MTMR8: variants seen among roughly 807,000 people sequenced by gnomAD.
MTMR8 encodes the protein phosphatidylinositol-3,5-bisphosphate 3-phosphatase MTMR8.
A neutral mutation model predicts 39.3 loss-of-function variants in MTMR8; 65 were observed. The ratio of observed to expected loss-of-function variants is 1.65; its 90% CI spans 1.35 to 2.03. The LOEUF (loss-of-function observed/expected upper bound fraction) is 2.03, where lower values mean the gene tolerates loss of function less well. Ranked by LOEUF, MTMR8 falls within the 30% of genes most tolerant of loss-of-function variation. The pLI is 0.00. For missense variants in MTMR8, 777 were observed against 538.9 expected (o/e 1.44, Z -4.37); for synonymous variants, 245 against 185.2 (o/e 1.32, Z -2.62).
chrX:64,315,366 TCTTCCCTCTGCCTACTCTCAGTGC>T (rs1362742462), intron 12 of MTMR8, among the ~76,000 whole-genome samples: 2 of 111,658 alleles, frequency 1.8e-5, no homozygotes, highest in African/African-American at 6.5e-5. Context: ...AGCTTCTGTG[TCTTCCCTCTGCCTACTCTCAGTGC>T]CTTCCCTCTG....
At chrX:64,390,765 G>A (rs770289268) in intron 1 of MTMR8, among the ~76,000 whole-genome samples, 123 of 109,064 alleles carry the variant, frequency 1.1e-3, no homozygotes, top group African/African-American at 3.8e-3. Context: ...CATCCCCACC[G>A]CCCCCCCAGC....
intron 12 of MTMR8, among the ~76,000 whole-genome samples, chrX:64,282,170 C>T (rs904273415): frequency 9.0e-6 from 1 of 111,355 alleles, no homozygotes; most frequent in Non-Finnish European, 1.9e-5. Flanking sequence ...GGAGATTCCT[C>T]AATGATCTAG....
chrX:64,289,020 AAAAT>A (rs1921304566), intron 12 of MTMR8, among the ~76,000 whole-genome samples: 2 of 109,872 alleles, frequency 1.8e-5, no homozygotes, highest in Admixed American at 2.0e-4. Context: ...AGTATAATAA[AAAAT>A]ATATATATAT....
At chrX:64,382,732 C>T (rs1389454385) in intron 1 of MTMR8, among the ~76,000 whole-genome samples, 2 of 111,496 alleles carry the variant, frequency 1.8e-5, no homozygotes, top group Admixed American at 1.9e-4. Flanking sequence ...ATGATATTGG[C>T]TGTGGGTTTG....
At chrX:64,359,280 G>T in intron 2 of MTMR8, 125 bp downstream of exon 2, 2 of 630,979 alleles carry the variant, frequency 3.2e-6, no homozygotes, top group South Asian at 5.8e-5. Flanking sequence ...ATTAGAATAG[G>T]TCCTCTGAAG....
At chrX:64,296,197 C>T (rs934469093) in intron 12 of MTMR8, among the ~76,000 whole-genome samples, 1 of 111,689 alleles carries the variant, frequency 9.0e-6, no homozygotes, top group Non-Finnish European at 1.9e-5. Context: ...TGACATAAGC[C>T]AGACACAAAC....
chrX:64,370,489 G>A (rs1224327540), intron 1 of MTMR8, among the ~76,000 whole-genome samples: 3 of 111,419 alleles, frequency 2.7e-5, no homozygotes, highest in African/African-American at 9.8e-5. Flanking sequence ...CCCAAAGTCT[G>A]CCAGTGTGAC....
intron 12 of MTMR8, among the ~76,000 whole-genome samples, chrX:64,280,361 G>A (rs1002982590): frequency 8.1e-5 from 9 of 111,606 alleles, no homozygotes; most frequent in Admixed American, 4.8e-4. Flanking sequence ...CAATCAAGTC[G>A]GCTTCATCTC....
chrX:64,382,814 T>C (rs1279229734), intron 1 of MTMR8, among the ~76,000 whole-genome samples: 1 of 111,490 alleles, frequency 9.0e-6, no homozygotes, highest in East Asian at 2.8e-4. Flanking sequence ...GGCCAATGGC[T>C]CTCCCTCTTA....
At chrX:64,344,779 A>T (rs769525786) in intron 7 of MTMR8, among the ~76,000 whole-genome samples, 4 of 111,626 alleles carry the variant, frequency 3.6e-5, no homozygotes, top group Non-Finnish European at 7.5e-5. Context: ...CTGTATTTCC[A>T]CAGAGAGAAA....
At chrX:64,338,757 TC>T in intron 8 of MTMR8, among the ~76,000 whole-genome samples, 1 of 111,613 alleles carries the variant, frequency 9.0e-6, no homozygotes, top group South Asian at 3.8e-4. Context: ...ATCGTGGAAG[TC>T]CATATAGGCC....
intron 12 of MTMR8, among the ~76,000 whole-genome samples, chrX:64,299,118 C>T (rs1413745922): frequency 1.3e-5 from 1 of 77,325 alleles, no homozygotes; most frequent in African/African-American, 5.6e-5. Flanking sequence ...AGGATTCCCT[C>T]TTTTTCTATT....
intron 1 of MTMR8, among the ~76,000 whole-genome samples, chrX:64,385,682 G>T (rs1924538742): frequency 1.8e-5 from 2 of 111,040 alleles, no homozygotes; most frequent in African/African-American, 6.6e-5. Context: ...AGCAAGGGTA[G>T]GCGGTGAGGT....
chrX:64,343,499 C>T, intron 8 of MTMR8, 112 bp downstream of exon 8: 1 of 474,481 alleles, frequency 2.1e-6, no homozygotes, highest in Non-Finnish European at 3.5e-6. Context: ...AGTGGCAGAG[C>T]TGAATCTAGA....
intron 12 of MTMR8, among the ~76,000 whole-genome samples, chrX:64,324,323 C>T (rs957993480): frequency 8.9e-6 from 1 of 111,798 alleles, no homozygotes. Flanking sequence ...GATTGCATTA[C>T]TGTACTGCAG....
chrX:64,281,487 T>A (rs1371353172), intron 12 of MTMR8, among the ~76,000 whole-genome samples: 1 of 111,964 alleles, frequency 8.9e-6, no homozygotes, highest in Non-Finnish European at 1.9e-5. Flanking sequence ...CTGGGAAAAC[T>A]GGCTAGCCAT....
intron 1 of MTMR8, among the ~76,000 whole-genome samples, chrX:64,381,770 T>G (rs1441237919): frequency 9.0e-6 from 1 of 111,540 alleles, no homozygotes; most frequent in African/African-American, 3.3e-5. Flanking sequence ...CATCTTGAAT[T>G]AATTTTTGTA....
chrX:64,277,804 GATA>G (rs1317224031), intron 12 of MTMR8, among the ~76,000 whole-genome samples: 1 of 111,134 alleles, frequency 9.0e-6, no homozygotes, highest in Admixed American at 9.6e-5. Flanking sequence ...AGTTCTCCTG[GATA>G]ATATCCTGCA....
At chrX:64,295,921 A>G (rs1007200741) in intron 12 of MTMR8, among the ~76,000 whole-genome samples, 4 of 112,145 alleles carry the variant, frequency 3.6e-5, no homozygotes, top group African/African-American at 9.7e-5. Flanking sequence ...AAAGTTAAAT[A>G]TAAAATTACC....
Sources: allele counts gnomAD v4.1 joint callset (sites outside exome capture counted in the v4.1 genomes callset), GRCh38; gene constraint gnomAD v4.1.1; transcripts MANE v1.5; gene names NCBI Gene and HGNC (gene_info 2026-07-23, HGNC 2026-07-21).